GABRB3: variants seen among roughly 807,000 people sequenced by gnomAD.
GABRB3 encodes gamma-aminobutyric acid type A receptor subunit beta3, also known as gamma-aminobutyric acid receptor subunit beta-3.
Under a neutral mutation model 52.1 loss-of-function variants are expected in GABRB3, and 14 were observed. The observed-to-expected ratio is 0.27, with a 90% CI of 0.18 to 0.42. GABRB3 has a LOEUF of 0.42. Ranked by LOEUF, GABRB3 falls within the 10% of genes least tolerant of loss-of-function variation. The pLI is 1.00. For missense variants in GABRB3, 307 were observed against 609.1 expected (o/e 0.50, Z 5.22); for synonymous variants, 260 against 232.3 (o/e 1.12, Z -1.08).
chr15:26,667,740 A>G (rs911809716), intron 3 of GABRB3, among the ~76,000 whole-genome samples: 2 of 152,178 alleles, frequency 1.3e-5, no homozygotes, highest in Admixed American at 6.5e-5. Context: ...AGAAATGCAC[A>G]TTCTTGGGCC....
intron 3 of GABRB3, among the ~76,000 whole-genome samples, chr15:26,665,303 G>A (rs7172653): frequency 0.49 from 75,006 of 151,824 alleles, 19,435 homozygotes; most frequent in Non-Finnish European, 0.58. Flanking sequence ...GTTCAATTTC[G>A]GGGGAAGAAA....
chr15:26,728,626 C>T (rs537422427), intron 3 of GABRB3, among the ~76,000 whole-genome samples: 9 of 152,324 alleles, frequency 5.9e-5, no homozygotes, highest in African/African-American at 2.2e-4. Flanking sequence ...GAGAGATACA[C>T]TTAAAGTGCC....
intron 3 of GABRB3, among the ~76,000 whole-genome samples, chr15:26,653,001 G>C (rs1846885963): frequency 1.3e-5 from 2 of 152,184 alleles, no homozygotes; most frequent in Non-Finnish European, 1.5e-5. Flanking sequence ...GCAACAGGGA[G>C]AAAACTTATG....
intron 3 of GABRB3, among the ~76,000 whole-genome samples, chr15:26,743,680 G>A (rs1287185403): frequency 6.6e-6 from 1 of 152,056 alleles, no homozygotes; most frequent in Admixed American, 6.6e-5. Flanking sequence ...AATGTAATCC[G>A]ACAGCCTTAA....
chr15:26,583,260 A>C, intron 5 of GABRB3, 72 bp downstream of exon 5: 2 of 1,288,626 alleles, frequency 1.6e-6, no homozygotes, highest in South Asian at 2.4e-5. Flanking sequence ...CCTTGAAAAA[A>C]GATGCTAAAT....
At chr15:26,642,424 T>G in intron 3 of GABRB3, 1 of 1,248,544 alleles carries the variant, frequency 8.0e-7, no homozygotes, top group Non-Finnish European at 1.0e-6. Flanking sequence ...TATATATATG[T>G]ATACATACAT....
At chr15:26,761,478 A>C (rs1890819959) in intron 3 of GABRB3, among the ~76,000 whole-genome samples, 1 of 146,322 alleles carries the variant, frequency 6.8e-6, no homozygotes, top group South Asian at 2.2e-4. Context: ...CATCACTAGA[A>C]TCTTTCATCC....
At position 26,561,814 on chromosome 15, in the gene GABRB3, G is replaced by A. The variant is rs573167047; in HGVS notation, c.836-638C>T. On this transcript the variant is annotated intron_variant, in intron 7 of 8. Coordinates refer to ENST00000311550, the MANE Select transcript of GABRB3 (RefSeq NM_000814.6). ...GCTTCTGAGGGAAGATGATCTCAGA[G>A]AGCGACTTCCCTCCTCAACTAAGAA... Among the ~76,000 whole-genome samples the A allele has an allele frequency of 1.1e-3, 167 of 152,354 alleles. 1 individual carries two copies. The highest frequency in any genetic ancestry group is 2.0e-3 in the Non-Finnish European group (137 of 68,030).
At chr15:26,584,415 C>T (rs1218204334) in intron 4 of GABRB3, among the ~76,000 whole-genome samples, 2 of 152,116 alleles carry the variant, frequency 1.3e-5, no homozygotes, top group Non-Finnish European at 2.9e-5. Context: ...AACTCTAAAC[C>T]TCACCTCTGC....
At chr15:26,670,909 A>G (rs540817975) in intron 3 of GABRB3, among the ~76,000 whole-genome samples, 3 of 151,944 alleles carry the variant, frequency 2.0e-5, no homozygotes, top group Admixed American at 6.6e-5. Context: ...TTTTATTTTT[A>G]TTTTTTTCAG....
At chr15:26,566,135 CT>C (rs1282687830) in intron 7 of GABRB3, among the ~76,000 whole-genome samples, 1 of 151,788 alleles carries the variant, frequency 6.6e-6, no homozygotes, top group Admixed American at 6.6e-5. Context: ...GATTTTTTTT[CT>C]TTTTTTAGAG....
chr15:26,654,783 ATTTCATTTATCTT>A (rs1887314631), intron 3 of GABRB3, among the ~76,000 whole-genome samples: 1 of 151,914 alleles, frequency 6.6e-6, no homozygotes, highest in Non-Finnish European at 1.5e-5. Context: ...GGGAGGTTCA[ATTTCATTTATCTT>A]TGTAAATTTT....
intron 3 of GABRB3, among the ~76,000 whole-genome samples, chr15:26,720,447 T>C (rs998783874): frequency 1.3e-5 from 2 of 152,156 alleles, no homozygotes; most frequent in Non-Finnish European, 2.9e-5. Flanking sequence ...GAAATATCCA[T>C]GTGATGAAGA....
chr15:26,556,522 G>A (rs992147891), intron 8 of GABRB3, among the ~76,000 whole-genome samples: 19 of 151,962 alleles, frequency 1.3e-4, no homozygotes, highest in African/African-American at 3.9e-4. Flanking sequence ...GTAAAATATC[G>A]CAAGGCTTGT....
At chr15:26,624,015 T>C (rs944445605) in intron 3 of GABRB3, among the ~76,000 whole-genome samples, 1 of 152,050 alleles carries the variant, frequency 6.6e-6, no homozygotes, top group Non-Finnish European at 1.5e-5. Flanking sequence ...AAGCCGCCTG[T>C]GAGGAAAACT....
intron 3 of GABRB3, among the ~76,000 whole-genome samples, chr15:26,629,709 C>T (rs1892859658): frequency 6.6e-6 from 1 of 152,092 alleles, no homozygotes; most frequent in East Asian, 1.9e-4. Flanking sequence ...CTGAGTTCAC[C>T]GAGCCCCTTC....
At chr15:26,771,445 T>G (rs1891140533) in intron 3 of GABRB3, among the ~76,000 whole-genome samples, 1 of 152,172 alleles carries the variant, frequency 6.6e-6, no homozygotes, top group South Asian at 2.1e-4. Context: ...GTATTCTCAA[T>G]GTTGTATGTC....
chr15:26,730,628 C>T (rs1319726397), intron 3 of GABRB3, among the ~76,000 whole-genome samples: 4 of 152,126 alleles, frequency 2.6e-5, no homozygotes, highest in African/African-American at 9.7e-5. Flanking sequence ...TCTTCCTTTA[C>T]ATCTTAAAGT....
At chr15:26,717,274 C>A (rs575339680) in intron 3 of GABRB3, among the ~76,000 whole-genome samples, 1 of 150,854 alleles carries the variant, frequency 6.6e-6, no homozygotes, top group South Asian at 2.1e-4. Flanking sequence ...CTGGGGATAT[C>A]CACCCGATGA....
Sources: gnomAD v4.1 joint callset for allele counts (sites outside exome capture counted in the v4.1 genomes callset) on GRCh38, gnomAD v4.1.1 for gene constraint, MANE v1.5 for transcripts, NCBI Gene and HGNC (gene_info 2026-07-23, HGNC 2026-07-21) for gene names.